Variants in CCDC171 observed in about 807,000 individuals in gnomAD.
The protein encoded by CCDC171 is coiled-coil domain-containing protein 171.
Under a neutral mutation model 168.2 loss-of-function variants are expected in CCDC171, and 177 were observed. The ratio of observed to expected loss-of-function variants is 1.05; its 90% CI spans 0.93 to 1.19. The LOEUF is 1.19. Among genes scored for constraint, CCDC171 ranks in the 50% most tolerant of loss-of-function variants. The pLI is 0.00. For synonymous variants in CCDC171, 687 were observed against 540.8 expected (o/e 1.27, Z -3.75); for missense variants, 1,991 against 1,539.0 (o/e 1.29, Z -4.91).
intron 7 of CCDC171, among the ~76,000 whole-genome samples, chr9:15,655,451 G>C (rs1298953287): frequency 6.6e-6 from 1 of 152,106 alleles, no homozygotes; most frequent in Non-Finnish European, 1.5e-5. Context: ...CTAGTAATCC[G>C]CTACTTCCCA....
At chr9:16,047,755 G>C (rs1833683813) in intron 1 of CCDC171, among the ~76,000 whole-genome samples, 1 of 152,216 alleles carries the variant, frequency 6.6e-6, no homozygotes, top group Non-Finnish European at 1.5e-5. Flanking sequence ...CTCAATTGTA[G>C]AATAGGGATC....
At chr9:15,596,583 C>T (rs1269374008) in intron 6 of CCDC171, among the ~76,000 whole-genome samples, 7 of 151,946 alleles carry the variant, frequency 4.6e-5, no homozygotes, top group Admixed American at 1.3e-4. Context: ...TAGCGTGATG[C>T]CTCCAGCTTT....
Position 15,891,528 on chromosome 9 carries a change from T to C in CCDC171, c.3600+16865T>C, listed in dbSNP as rs144052995. Among the ~76,000 whole-genome samples, 615 of 152,296 alleles carry C rather than the reference T, an allele frequency of 4.0e-3. 11 individuals are homozygous for C. The highest frequency in any genetic ancestry group is 0.014 in the African/African-American group (594 of 41,576). On this transcript the variant is annotated intron_variant, in intron 24 of 25. Coordinates refer to ENST00000380701, the MANE Select transcript of CCDC171 (RefSeq NM_173550.4). ...ACACGGGAGGTGCTGGTTATCACTT[T>C]GTTTAGTCTGCAAAAAGTGTAAATC...
intron 1 of CCDC171, among the ~76,000 whole-genome samples, chr9:15,559,830 T>C (rs1428085097): frequency 6.6e-6 from 1 of 152,274 alleles, no homozygotes; most frequent in African/African-American, 2.4e-5. Flanking sequence ...CTAGGCTCGA[T>C]GGTCTTTACA....
At chr9:16,074,084 G>C in the CCDC171 span, among the ~76,000 whole-genome samples, 20 of 152,142 alleles carry the variant, frequency 1.3e-4, 1 homozygote, top group South Asian at 4.2e-3. Flanking sequence ...GGAGAGGATG[G>C]GGGTTTCTAC....
rs1479590156 is a variant in CCDC171, at chr9:15,778,238, A to G, written c.2898+412A>G. Among the ~76,000 whole-genome samples, 10 of 139,650 alleles carry G rather than the reference A, an allele frequency of 7.2e-5. No individual in the cohort carries two copies. In the Admixed American group the frequency reaches 7.7e-4, roughly 11 times the overall value. The allele number at this position is 139,650 out of a possible 152,430, so 91.6% of individuals were successfully genotyped here. ...CGTGAACCCGGGAAGCGGAGCTTGCAGTGAGCCGAGATTGCGCCACTGCAG... is the reference window on the plus strand; with the variant it reads ...CGTGAACCCGGGAAGCGGAGCTTGCGGTGAGCCGAGATTGCGCCACTGCAG... On this transcript the variant is annotated intron_variant, in intron 19 of 25. Transcript: ENST00000380701.
chr9:16,043,410 T>C (rs1244400619), intron 1 of CCDC171, among the ~76,000 whole-genome samples: 1 of 152,216 alleles, frequency 6.6e-6, no homozygotes, highest in Non-Finnish European at 1.5e-5. Context: ...AAGTTATAGA[T>C]AAATTAGTTT....
intron 1 of CCDC171, among the ~76,000 whole-genome samples, chr9:16,047,389 G>A (rs930641522): frequency 3.3e-5 from 5 of 152,018 alleles, no homozygotes; most frequent in South Asian, 4.2e-4. Context: ...AATAAGCCTC[G>A]TTCTACCTCC....
At chr9:15,688,901 T>TAGAA (rs965575374) in intron 10 of CCDC171, among the ~76,000 whole-genome samples, 1 of 152,138 alleles carries the variant, frequency 6.6e-6, no homozygotes, top group African/African-American at 2.4e-5. Context: ...TTTGGAAAGG[T>TAGAA]AGAAGTAAAT....
intron 1 of CCDC171, among the ~76,000 whole-genome samples, chr9:16,051,512 C>T (rs116052584): frequency 0.016 from 2,408 of 152,238 alleles, 59 homozygotes; most frequent in African/African-American, 0.053. Flanking sequence ...CCTCCTTAAC[C>T]GTTGTGGCCC....
intron 7 of CCDC171, among the ~76,000 whole-genome samples, chr9:15,649,414 A>G (rs1223791113): frequency 1.3e-5 from 2 of 152,214 alleles, no homozygotes; most frequent in Non-Finnish European, 2.9e-5. Flanking sequence ...TAATTAAACT[A>G]AAGAGCTCCT....
chr9:15,955,595 A>G (rs1829710888), intron 25 of CCDC171, among the ~76,000 whole-genome samples: 2 of 152,140 alleles, frequency 1.3e-5, no homozygotes, highest in Non-Finnish European at 2.9e-5. Flanking sequence ...ATTGACTGAA[A>G]TTAATCATAA....
chr9:15,982,469 G>A (rs369889426), intron 3 of CCDC171, among the ~76,000 whole-genome samples: 1 of 152,092 alleles, frequency 6.6e-6, no homozygotes, highest in Admixed American at 6.5e-5. Flanking sequence ...TTACTGTCTC[G>A]GATGGAGTAG....
intron 9 of CCDC171, among the ~76,000 whole-genome samples, chr9:15,668,338 C>G (rs2133200412): frequency 6.6e-6 from 1 of 152,222 alleles, no homozygotes; most frequent in African/African-American, 2.4e-5. Flanking sequence ...TAATTGGACC[C>G]CAAAGCAGTT....
At chr9:15,765,530 G>T (rs890625436) in intron 18 of CCDC171, among the ~76,000 whole-genome samples, 51 of 152,208 alleles carry the variant, frequency 3.4e-4, no homozygotes, top group African/African-American at 4.8e-5. Context: ...ACAGTTGCAG[G>T]TAGGTTGGTA....
chr9:15,650,752 A>G (rs761954758), intron 7 of CCDC171, among the ~76,000 whole-genome samples: 6 of 152,118 alleles, frequency 3.9e-5, no homozygotes, highest in South Asian at 2.1e-4. Flanking sequence ...TAAAATTTAT[A>G]TATATTTATG....
rs1356903365 is a variant in CCDC171 at position 15,596,671 on chromosome 9, A to G, written c.675+2499A>G. On this transcript the variant is annotated intron_variant, in intron 6 of 25. Transcript: ENST00000380701. Reference sequence around the variant, plus strand: ...ATGAACTTTAAAGTAGTTTTTTCCAATTCTGTGAAGAAAGTCATTGGTAGC... The same window carrying G: ...ATGAACTTTAAAGTAGTTTTTTCCAGTTCTGTGAAGAAAGTCATTGGTAGC... Among the ~76,000 whole-genome samples the G allele has an allele frequency of 5.3e-4, 81 of 151,656 alleles. 1 individual carries two copies. In the East Asian group the frequency reaches 0.014, roughly 26 times the overall value.
Position 15,631,773 on chromosome 9 carries a change from A to G in CCDC171, c.822+8360A>G, listed in dbSNP as rs530622133. On this transcript the variant is annotated intron_variant, in intron 7 of 25. Coordinates refer to ENST00000380701, the MANE Select transcript of CCDC171 (RefSeq NM_173550.4). ...GAAGATTGATGCAAAAATCCTCAGTAAAATACTGGCAAACTGAATCCAGCA... is the reference window on the plus strand; with the variant it reads ...GAAGATTGATGCAAAAATCCTCAGTGAAATACTGGCAAACTGAATCCAGCA... 2.6e-4 allele frequency among the ~76,000 whole-genome samples: 39 copies of G among 152,360 alleles called. No individual in the cohort carries two copies. In the South Asian group the frequency reaches 6.6e-3, roughly 26 times the overall value.
At position 15,579,104 on chromosome 9, in the gene CCDC171, A is replaced by G. The variant is rs896116269; in HGVS notation, c.352+81A>G. 9.0e-5 allele frequency: 97 copies of G among 1,073,508 alleles called. No homozygotes were observed. The Middle Eastern group carries it at 9.9e-4, about 11-fold the overall frequency. 66.5% of individuals were successfully genotyped at this position (1,073,508 alleles called of 1,614,324 possible). On this transcript the variant is annotated intron_variant, in intron 4 of 25. Coordinates refer to ENST00000380701, the MANE Select transcript of CCDC171 (RefSeq NM_173550.4). ...CTCCTCGCTGTTGTGTGTACATCCCATACAGGGTCAGAGGTAAGATTCTGA... is the reference window on the plus strand; with the variant it reads ...CTCCTCGCTGTTGTGTGTACATCCCGTACAGGGTCAGAGGTAAGATTCTGA...
Sources: allele counts gnomAD v4.1 joint callset (sites outside exome capture counted in the v4.1 genomes callset), GRCh38; gene constraint gnomAD v4.1.1; transcripts MANE v1.5; gene names NCBI Gene and HGNC (gene_info 2026-07-23, HGNC 2026-07-21).